Variants in KIF5B observed in about 807,000 individuals in gnomAD.
KIF5B encodes the protein kinesin family member 5B.
A neutral mutation model predicts 132.8 loss-of-function variants in KIF5B; 49 were observed. That is an observed-to-expected ratio of 0.37 (90% CI 0.29 to 0.47). KIF5B has a LOEUF of 0.47. Ranked by LOEUF, KIF5B falls within the 20% of genes least tolerant of loss-of-function variation. The probability of loss-of-function intolerance (pLI) is 1.00; values close to 1 mark genes in which losing one functional copy is unlikely to be tolerated. For synonymous variants in KIF5B, 355 were observed against 369.4 expected (o/e 0.96, Z 0.45); for missense variants, 780 against 1,144.0 (o/e 0.68, Z 4.59).
At chr10:32,027,862 C>T (rs984498005) in intron 15 of KIF5B, among the ~76,000 whole-genome samples, 2 of 152,108 alleles carry the variant, frequency 1.3e-5, no homozygotes, top group African/African-American at 2.4e-5. Context: ...CTTGGCCTCC[C>T]AAAGTGCTGG....
chr10:32,041,301 G>A (rs543845149), intron 2 of KIF5B, among the ~76,000 whole-genome samples: 38 of 152,188 alleles, frequency 2.5e-4, no homozygotes, highest in African/African-American at 8.7e-4. Flanking sequence ...AATTTTCTTA[G>A]TGATGACCCA....
rs1156821160 is a variant in KIF5B at position 32,009,772 on chromosome 10, TC to T, written c.*1764del. On this transcript the variant is annotated 3_prime_UTR_variant, in exon 26 of 26. Transcript: ENST00000302418. ...GCCAAATGTTTCTCCATTTAGAAAA[TC>T]ATCATAAAAGGTGGCAGCACTTTTT... 30 of 152,190 alleles carry T rather than the reference TC, an allele frequency of 2.0e-4. No individual in the cohort carries two copies. The highest frequency in any genetic ancestry group is 7.0e-4 in the African/African-American group (29 of 41,548). The allele number at this position is 152,190 out of a possible 1,614,324, so 9.4% of individuals were successfully genotyped here.
chr10:32,054,159 G>A (rs1841725492), intron 1 of KIF5B, among the ~76,000 whole-genome samples: 1 of 152,222 alleles, frequency 6.6e-6, no homozygotes, highest in Admixed American at 6.5e-5. Flanking sequence ...TAGGTTTGAT[G>A]TGCCAACCAC....
chr10:32,032,814 C>CCTGGT, intron 12 of KIF5B, 40 bp from the exon 13 acceptor site: 3 of 1,484,830 alleles, frequency 2.0e-6, no homozygotes, highest in Non-Finnish European at 1.9e-6. Context: ...TAGCTAACAA[C>CCTGGT]CTGGTTCTAG....
Position 32,017,275 on chromosome 10 carries a change from A to G in KIF5B, c.2629T>C (p.Leu877=). ...LRATAERVKA[L]ESALKEAKEN... The stretch of plus-strand genomic sequence containing the variant: ...TTAGCTTCTTTCAGTGCTGATTCCA[A>G]AGCTTTCACTCTCTCAGCTGTAGCT... The change falls in exon 24 of 26, where the codon TTG becomes CTG. Residue 877 remains leucine (L), a synonymous_variant. Transcript: ENST00000302418. 1 of 1,614,152 alleles carries G rather than the reference A, an allele frequency of 6.2e-7. No individual in the cohort carries two copies.
intron 25 of KIF5B, among the ~76,000 whole-genome samples, chr10:32,014,902 C>A (rs554907152): frequency 2.0e-5 from 3 of 152,158 alleles, no homozygotes; most frequent in African/African-American, 7.2e-5. Flanking sequence ...GCGGGCAGAT[C>A]GCCTGAAGTC....
Position 32,056,028 on chromosome 10 carries a change from C to T in KIF5B, c.-55G>A. 1 of 1,595,038 alleles carries T rather than the reference C, an allele frequency of 6.3e-7. No homozygotes were observed. Among genetic ancestry groups the T allele is most frequent in the Non-Finnish European group, 8.5e-7 (1 of 1,177,980 alleles). ...AGCCACTCCCCGCCGCTCAGTCTTG[C>T]AGGGAACGCGCCGGACCTGAGGGCT... On this transcript the variant is annotated 5_prime_UTR_variant, in exon 1 of 26. Coordinates refer to ENST00000302418, the MANE Select transcript of KIF5B (RefSeq NM_004521.3).
In KIF5B at chr10:32,017,238, G is replaced by C. The variant is rs776449498; in HGVS notation, c.2666C>G (p.Ser889Cys). 1 of 1,614,078 alleles carries C rather than the reference G, an allele frequency of 6.2e-7. No homozygotes were observed. Among genetic ancestry groups the C allele is most frequent in the Non-Finnish European group, 8.5e-7 (1 of 1,180,042 alleles). ...SALKEAKENA[S>C]RDRKRYQQEV... ...TTGCTGATAGCGTTTGCGATCACGA[G>C]ATGCATTTTCTTTAGCTTCTTTCAG... The change falls in exon 24 of 26, where the codon TCT becomes TGT. Residue 889 changes from serine to cysteine, a missense_variant. Around this residue, in one of 9 missense-constraint regions of KIF5B, gnomAD observed 32 missense variants for 71.1 expected, o/e 0.45. Transcript: ENST00000302418.
chr10:32,040,512 A>T, intron 2 of KIF5B, 55 bp from the exon 3 acceptor site: 1 of 986,736 alleles, frequency 1.0e-6, no homozygotes, highest in Admixed American at 1.8e-5. Context: ...AAGATTCCTA[A>T]GAAATTACTT....
At chr10:32,022,284 A>G (rs759627713) in intron 16 of KIF5B, 27 bp from the exon 17 acceptor site, 2 of 1,133,904 alleles carry the variant, frequency 1.8e-6, no homozygotes, top group Non-Finnish European at 1.3e-6. Context: ...ACTGATATGA[A>G]GTGGAAAACA....
chr10:32,037,698 T>C, intron 6 of KIF5B, 91 bp from the exon 7 acceptor site: 1 of 905,974 alleles, frequency 1.1e-6, no homozygotes, highest in South Asian at 1.5e-5. Context: ...CCGGGCGCGG[T>C]GGCGGGTGCC....
Position 32,035,677 on chromosome 10 carries a change from A to C in KIF5B, c.817-10T>G. Reference sequence around the variant, plus strand: ...GATATGGAACATATGTCTGCATACAAAAACAAAGAAAGAAAACAAGACCAG... The same window carrying C: ...GATATGGAACATATGTCTGCATACACAAACAAAGAAAGAAAACAAGACCAG... On this transcript the variant is annotated splice_polypyrimidine_tract_variant and intron_variant, in intron 9 of 25. Transcript: ENST00000302418. 1 of 1,587,988 alleles carries C rather than the reference A, an allele frequency of 6.3e-7. No individual in the cohort carries two copies.
chr10:32,017,308 G>A lies in KIF5B; in HGVS notation c.2596C>T (p.Arg866Ter), dbSNP rs150818260. Residue 866 changes from arginine (R) to a stop codon, truncating the protein, a stop_gained, in exon 24 of 26, where the codon CGA (arginine) becomes TGA (stop). Transcript: ENST00000302418. LOFTEE classifies it high-confidence loss of function. ...ACTCTCTCAGCTGTAGCTCGAAGTCGCTTTTCCAACTTAGGAAGTTCACAG... is the reference window on the plus strand; with the variant it reads ...ACTCTCTCAGCTGTAGCTCGAAGTCACTTTTCCAACTTAGGAAGTTCACAG... ...LRCELPKLEK[R>*]LRATAERVKA... 2 of 1,614,126 alleles carry A rather than the reference G, an allele frequency of 1.2e-6. No individual in the cohort carries two copies. Among genetic ancestry groups the A allele is most frequent in the Non-Finnish European group, 8.5e-7 (1 of 1,180,010 alleles).
At chr10:32,029,315 A>G (rs1841370771) in intron 14 of KIF5B, among the ~76,000 whole-genome samples, 1 of 152,242 alleles carries the variant, frequency 6.6e-6, no homozygotes, top group Admixed American at 6.5e-5. Context: ...GGACTTGCCA[A>G]TTAGAAATGC....
chr10:32,025,522 T>A (rs11008735), intron 15 of KIF5B, among the ~76,000 whole-genome samples: 1 of 152,170 alleles, frequency 6.6e-6, no homozygotes, highest in African/African-American at 2.4e-5. Context: ...ACTATAGGCG[T>A]GCACCACTAT....
chr10:32,019,893 T>C lies in KIF5B; in HGVS notation c.2271A>G (p.Thr757=). The C allele has an allele frequency of 1.9e-6, 3 of 1,612,078 alleles. No homozygotes were observed. Among genetic ancestry groups the C allele is most frequent in the East Asian group, 4.5e-5 (2 of 44,784 alleles). ...LRVEHEKLKA[T]DQEKSRKLHE... is the part of the protein sequence containing the mutation. ...GTAGTTTTCTGCTCTTTTCCTGATC[T>C]GTGGCTTTCAACTTCTCATGTTCTA... is the stretch of plus-strand genomic sequence containing the variant. Residue 757 remains threonine (T), a synonymous_variant, in exon 20 of 26, where the codon ACA becomes ACG. Coordinates refer to ENST00000302418, the MANE Select transcript of KIF5B (RefSeq NM_004521.3).
At chr10:32,027,434 A>G (rs1033142585) in intron 15 of KIF5B, among the ~76,000 whole-genome samples, 1 of 152,112 alleles carries the variant, frequency 6.6e-6, no homozygotes, top group Non-Finnish European at 1.5e-5. Context: ...AAATATGGAC[A>G]TATTTTGAAA....
chr10:32,042,696 T>C (rs1841558869), intron 2 of KIF5B, among the ~76,000 whole-genome samples: 1 of 152,200 alleles, frequency 6.6e-6, no homozygotes, highest in South Asian at 2.1e-4. Context: ...TTGCCATTCC[T>C]ATGAGAAACA....
chr10:32,012,320 A>G (rs530876067), intron 25 of KIF5B, among the ~76,000 whole-genome samples: 3 of 152,298 alleles, frequency 2.0e-5, no homozygotes, highest in Non-Finnish European at 2.9e-5. Context: ...TAAAAATACA[A>G]AAACCTTAGG....
Sources: allele counts gnomAD v4.1 joint callset (sites outside exome capture counted in the v4.1 genomes callset), GRCh38; gene constraint gnomAD v4.1.1; regional missense constraint gnomAD v4.1.1; transcripts MANE v1.5; gene names NCBI Gene and HGNC (gene_info 2026-07-23, HGNC 2026-07-21).